LDLRAD4: variants seen among roughly 807,000 people sequenced by gnomAD.
LDLRAD4 encodes the protein low density lipoprotein receptor class A domain containing 4.
A neutral mutation model predicts 17.0 loss-of-function variants in LDLRAD4; 5 were observed. The observed-to-expected ratio is 0.29, with a 90% CI of 0.15 to 0.62. LDLRAD4 has a LOEUF of 0.62. LDLRAD4 is among the 20% of genes least tolerant of loss of function. The pLI, the probability that LDLRAD4 is intolerant of heterozygous loss-of-function variation, is 0.84. For synonymous variants in LDLRAD4, 168 were observed against 171.8 expected, an observed-to-expected ratio of 0.98 and a Z score of 0.17; for missense variants, 340 against 424.7, an observed-to-expected ratio of 0.80 and a Z score of 1.75.
chr18:13,342,173 A>G (rs962713962), intron 1 of LDLRAD4, among the ~76,000 whole-genome samples: 4 of 152,074 alleles, frequency 2.6e-5, no homozygotes, highest in Non-Finnish European at 5.9e-5. Context: ...AATATTCATA[A>G]GAAATATTGG....
In LDLRAD4 at chr18:13,262,971, T is replaced by C. The variant is rs74977815; in HGVS notation, c.-466-15134T>C. ...GTGGGGGCTGAGTCCCGTGCGGCTC[T>C]GTTTGTGGGGGTTGAGTCCCGTGCG... On this transcript the variant is annotated intron_variant, in intron 1 of 5. Coordinates refer to the LDLRAD4 transcript ENST00000399848. Among the ~76,000 whole-genome samples, 288 of 119,872 alleles carry C rather than the reference T, an allele frequency of 2.4e-3. 34 individuals carry two copies. The highest frequency in any genetic ancestry group is 0.011 in the African/African-American group (270 of 24,532). The allele number at this position is 119,872 out of a possible 152,430, so 78.6% of individuals were successfully genotyped here. A position where few individuals can be genotyped will look rare whatever the true frequency, so the allele number is the denominator to read the frequency against.
intron 2 of LDLRAD4, chr18:13,426,165 C>G (rs1006835374): frequency 6.6e-6 from 1 of 152,524 alleles, no homozygotes; most frequent in African/African-American, 2.4e-5. Context: ...GGGATTTTAT[C>G]AGCCAGTGTT....
chr18:13,418,850 G>T (rs2089183445), intron 2 of LDLRAD4, among the ~76,000 whole-genome samples: 1 of 152,166 alleles, frequency 6.6e-6, no homozygotes, highest in Non-Finnish European at 1.5e-5. Context: ...CCACCCTTGG[G>T]AAGCTTTCAG....
At chr18:13,513,716 A>G (rs113118364) in intron 3 of LDLRAD4, among the ~76,000 whole-genome samples, 1 of 152,176 alleles carries the variant, frequency 6.6e-6, no homozygotes, top group Non-Finnish European at 1.5e-5. Flanking sequence ...CTTTGATTTC[A>G]TGAGAGCGTG....
chr18:13,237,688 C>A (rs1322494437), intron 1 of LDLRAD4, among the ~76,000 whole-genome samples: 1 of 152,202 alleles, frequency 6.6e-6, no homozygotes, highest in Non-Finnish European at 1.5e-5. Context: ...CAGCCCTGCA[C>A]CAGTCACTGT....
chr18:13,635,688 G>A (rs1174461083), intron 4 of LDLRAD4, among the ~76,000 whole-genome samples: 1 of 152,212 alleles, frequency 6.6e-6, no homozygotes, highest in Non-Finnish European at 1.5e-5. Flanking sequence ...GTCTGAAAAT[G>A]TCTGTCCTCA....
chr18:13,235,131 T>A (rs9967502), intron 1 of LDLRAD4: 70,327 of 151,784 alleles, frequency 0.46, 16,853 homozygotes, highest in African/African-American at 0.59. Flanking sequence ...TGTGCCTGTA[T>A]TCCCAGCTAC....
chr18:13,616,059 T>C (rs1419656684), intron 3 of LDLRAD4: 1 of 152,190 alleles, frequency 6.6e-6, no homozygotes, highest in Non-Finnish European at 1.5e-5. Context: ...ATTTTCTTCT[T>C]AGCCTCCCCT....
intron 2 of LDLRAD4, among the ~76,000 whole-genome samples, chr18:13,433,561 C>T (rs753617103): frequency 5.9e-5 from 9 of 152,084 alleles, no homozygotes; most frequent in Non-Finnish European, 8.8e-5. Context: ...TTGACTCTAC[C>T]AAGCAGATTA....
chr18:13,260,422 G>T (rs2145934701), intron 1 of LDLRAD4, among the ~76,000 whole-genome samples: 1 of 152,332 alleles, frequency 6.6e-6, no homozygotes, highest in Admixed American at 6.5e-5. Context: ...TTTGTGTACT[G>T]TCATAAATGC....
chr18:13,456,511 C>T (rs2092144126), intron 3 of LDLRAD4, among the ~76,000 whole-genome samples: 1 of 152,180 alleles, frequency 6.6e-6, no homozygotes, highest in South Asian at 2.1e-4. Flanking sequence ...CCCCTGGATT[C>T]CTCTAACCCA....
chr18:13,606,846 A>C (rs1301643091), intron 3 of LDLRAD4, among the ~76,000 whole-genome samples: 1 of 152,230 alleles, frequency 6.6e-6, no homozygotes, highest in African/African-American at 2.4e-5. Flanking sequence ...AAGAATGGGA[A>C]TTTGTAATGG....
At chr18:13,509,300 C>G (rs1434957201) in intron 3 of LDLRAD4, among the ~76,000 whole-genome samples, 1 of 152,188 alleles carries the variant, frequency 6.6e-6, no homozygotes. Flanking sequence ...GACAACAAAG[C>G]AAAACCCTGT....
chr18:13,581,514 C>G (rs1173309249), intron 3 of LDLRAD4, among the ~76,000 whole-genome samples: 1 of 152,172 alleles, frequency 6.6e-6, no homozygotes, highest in Non-Finnish European at 1.5e-5. Context: ...GAAAAAGGGA[C>G]TCATGCAGTT....
In LDLRAD4 at chr18:13,249,834, C is replaced by G. The variant is rs185178085; in HGVS notation, c.-466-28271C>G. The stretch of plus-strand genomic sequence containing the variant: ...ATAAATTTTTTCCCTGGACCAATGT[C>G]TTGAAGCATTTCCCTGTGTTTTCTT... On this transcript the variant is annotated intron_variant, in intron 1 of 5. Coordinates refer to the LDLRAD4 transcript ENST00000399848. Among the ~76,000 whole-genome samples the G allele has an allele frequency of 3.7e-3, 557 of 152,278 alleles. 4 individuals are homozygous for G. The highest frequency in any genetic ancestry group is 0.013 in the African/African-American group (536 of 41,556).
chr18:13,406,775 C>G (rs1200380570), intron 2 of LDLRAD4, among the ~76,000 whole-genome samples: 1 of 152,146 alleles, frequency 6.6e-6, no homozygotes, highest in African/African-American at 2.4e-5. Flanking sequence ...CAGTGGTCCC[C>G]TCATGCACCT....
Position 13,375,412 on chromosome 18 carries a change from G to A in LDLRAD4, c.-382-11929G>A, listed in dbSNP as rs530575599. Among the ~76,000 whole-genome samples, 5 of 152,276 alleles carry A rather than the reference G, an allele frequency of 3.3e-5. No individual in the cohort carries two copies. The East Asian group carries it at 7.7e-4, about 24-fold the overall frequency. ...CATGTTTTTATTCAAAGGAAGTGAG[G>A]AGATGAGTCATTTCGATAGGAGTGA... On this transcript the variant is annotated intron_variant, in intron 1 of 5. Transcript: ENST00000359446.
intron 4 of LDLRAD4, among the ~76,000 whole-genome samples, chr18:13,636,154 A>C (rs1041776958): frequency 6.6e-6 from 1 of 152,178 alleles, no homozygotes; most frequent in Non-Finnish European, 1.5e-5. Context: ...GGAGAATGAC[A>C]AACAGCAAGG....
At position 13,374,757 on chromosome 18, in the gene LDLRAD4, G is replaced by T. The variant is rs1186030452; in HGVS notation, c.-382-12584G>T. Among the ~76,000 whole-genome samples the T allele has an allele frequency of 3.9e-5, 6 of 152,340 alleles. No homozygotes were observed. In the East Asian group the frequency reaches 1.2e-3, roughly 29 times the overall value. On this transcript the variant is annotated intron_variant, in intron 1 of 5. Transcript: ENST00000359446. Reference sequence around the variant, plus strand: ...CATCCCTGTTGGCTGAGGGGCGATTGAGAAGGCCAGCACCTGCTAGGTGTG... The same window carrying T: ...CATCCCTGTTGGCTGAGGGGCGATTTAGAAGGCCAGCACCTGCTAGGTGTG...
Sources: allele counts gnomAD v4.1 joint callset (sites outside exome capture counted in the v4.1 genomes callset), GRCh38; gene constraint gnomAD v4.1.1; transcripts MANE v1.5; gene names NCBI Gene and HGNC (gene_info 2026-07-23, HGNC 2026-07-21).